XRN1: variants seen among roughly 807,000 people sequenced by gnomAD.
The protein encoded by XRN1 is strand-exchange protein 1 homolog.
XRN1 carries 67 observed loss-of-function variants against 222.3 expected under a neutral mutation model. The ratio of observed to expected loss-of-function variants is 0.30; its 90% CI spans 0.25 to 0.37. XRN1 has a LOEUF of 0.37. XRN1 is among the 10% of genes least tolerant of loss of function. XRN1 has a pLI of 1.00. For synonymous variants in XRN1, 643 were observed against 652.4 expected (o/e 0.99, Z 0.22); for missense variants, 1,707 against 2,000.2 (o/e 0.85, Z 2.80).
chr3:142,391,027 G>A (rs904743018), intron 20 of XRN1, among the ~76,000 whole-genome samples: 5 of 152,106 alleles, frequency 3.3e-5, no homozygotes, highest in African/African-American at 1.2e-4. Context: ...GGTTGATGGT[G>A]ACCAAAAACA....
At chr3:142,315,060 G>T (rs1032162417) in intron 39 of XRN1, among the ~76,000 whole-genome samples, 1 of 144,276 alleles carries the variant, frequency 6.9e-6, no homozygotes, top group Non-Finnish European at 1.5e-5. Context: ...TCAACCTCCT[G>T]AATAGCTGGA....
At chr3:142,391,131 C>G (rs2067695985) in intron 20 of XRN1, among the ~76,000 whole-genome samples, 1 of 151,814 alleles carries the variant, frequency 6.6e-6, no homozygotes, top group Admixed American at 6.6e-5. Context: ...TGAGAATTAC[C>G]AAAATGTGAC....
chr3:142,391,188 T>C (rs992618886), intron 20 of XRN1, among the ~76,000 whole-genome samples: 5 of 152,192 alleles, frequency 3.3e-5, no homozygotes, highest in African/African-American at 7.2e-5. Context: ...ATGGCACTGA[T>C]AGAGTTGCAA....
chr3:142,418,683 A>C (rs1672522568), intron 11 of XRN1, 74 bp from the exon 12 acceptor site: 2 of 1,435,262 alleles, frequency 1.4e-6, no homozygotes, highest in Non-Finnish European at 1.9e-6. Context: ...GATTTGATAA[A>C]TGCATATCCA....
At position 142,373,814 on chromosome 3, in the gene XRN1, A is replaced by C. The variant is rs1390717169; in HGVS notation, c.2978+1984T>G. On this transcript the variant is annotated intron_variant, in intron 25 of 40. Transcript: ENST00000392981. ...ACCAACGTGGTGAAACCCCATCTCTACTAAAAAAAATACAAAATTTAGCCG... is the reference window on the plus strand; with the variant it reads ...ACCAACGTGGTGAAACCCCATCTCTCCTAAAAAAAATACAAAATTTAGCCG... 3.9e-5 allele frequency among the ~76,000 whole-genome samples: 6 copies of C among 152,112 alleles called. No homozygotes were observed. The South Asian group carries it at 1.2e-3, about 32-fold the overall frequency.
chr3:142,418,975 T>C (rs749080292), intron 10 of XRN1, 94 bp from the exon 11 acceptor site: 39 of 1,154,940 alleles, frequency 3.4e-5, no homozygotes, highest in Non-Finnish European at 4.6e-5. Flanking sequence ...TTTTCTATAG[T>C]TCTTCCATGT....
rs1470532297 is a variant in XRN1, at chr3:142,310,647, A to G, written c.*864T>C. 6.6e-6 allele frequency: 1 copy of G among 152,638 alleles called. No individual in the cohort carries two copies. Among genetic ancestry groups the G allele is most frequent in the African/African-American group, 2.4e-5 (1 of 41,460 alleles). 9.5% of individuals were successfully genotyped at this position (152,638 alleles called of 1,614,324 possible). ...ATGAAGCTCTCATAAAATGTCAGGTAAGCAAATAAAAAGCTATACAAAATA... is the reference window on the plus strand; with the variant it reads ...ATGAAGCTCTCATAAAATGTCAGGTGAGCAAATAAAAAGCTATACAAAATA... On this transcript the variant is annotated 3_prime_UTR_variant, in exon 41 of 41. Transcript: ENST00000392981.
rs1376018671 is a variant in XRN1 at position 142,370,633 on chromosome 3, C to T, written c.3069-13G>A. On this transcript the variant is annotated splice_polypyrimidine_tract_variant and intron_variant, in intron 26 of 40. Coordinates refer to ENST00000392981, the MANE Select transcript of XRN1 (RefSeq NM_001282857.2). ...AACTTTTTCAGCACTAAAGCAAAAA[C>T]AATAATTTTTAAAATTTGATTAAAA... is the stretch of plus-strand genomic sequence containing the variant. 6.5e-7 allele frequency: 1 copy of T among 1,549,868 alleles called. No homozygotes were observed. The highest frequency in any genetic ancestry group is 2.4e-5 in the East Asian group (1 of 42,458).
At chr3:142,412,684 A>G (rs2068630795) in intron 14 of XRN1, 21 bp from the exon 15 acceptor site, 2 of 1,477,624 alleles carry the variant, frequency 1.4e-6, no homozygotes, top group Non-Finnish European at 1.8e-6. Flanking sequence ...ATGAAATAGT[A>G]TAATAGAAAT....
rs1279624280 is a variant in XRN1, at chr3:142,365,802, T to TATATAA, written c.3205-442_3205-437dup. On this transcript the variant is annotated intron_variant, in intron 27 of 40. Transcript: ENST00000392981. ...GATTACATTTGTCTGTTTTGGCCTT[T>TATATAA]ATATAAATGCTATCCTATTCAAATG... is the stretch of plus-strand genomic sequence containing the variant. 4.3e-4 allele frequency among the ~76,000 whole-genome samples: 66 copies of TATATAA among 152,196 alleles called. 1 individual carries two copies. The highest frequency in any genetic ancestry group is 5.9e-5 in the Non-Finnish European group (4 of 68,008).
intron 34 of XRN1, among the ~76,000 whole-genome samples, chr3:142,333,993 T>C (rs994421748): frequency 2.6e-5 from 4 of 152,224 alleles, no homozygotes; most frequent in Non-Finnish European, 5.9e-5. Context: ...ACCTAGTCTA[T>C]GGTATTGTTA....
Position 142,311,405 on chromosome 3 carries a change from CAT to C in XRN1, c.*104_*105del, listed in dbSNP as rs2065071841. The C allele has an allele frequency of 9.2e-7, 1 of 1,087,864 alleles. No homozygotes were observed. 67.4% of individuals were successfully genotyped at this position (1,087,864 alleles called of 1,614,324 possible). A position where few individuals can be genotyped will look rare whatever the true frequency, so the allele number is the denominator to read the frequency against. ...AAAATGAAAAAAATTTCAATTTACA[CAT>C]ATTATTTTAAAATAGTACATTCTAA... On this transcript the variant is annotated 3_prime_UTR_variant, in exon 41 of 41. Coordinates refer to ENST00000392981, the MANE Select transcript of XRN1 (RefSeq NM_001282857.2).
At chr3:142,366,993 A>G (rs2066834023) in intron 27 of XRN1, among the ~76,000 whole-genome samples, 2 of 152,208 alleles carry the variant, frequency 1.3e-5, no homozygotes, top group Non-Finnish European at 1.5e-5. Context: ...GCTTATTAGA[A>G]ATGCAGAATT....
intron 29 of XRN1, among the ~76,000 whole-genome samples, chr3:142,362,345 C>G (rs2066665948): frequency 1.3e-5 from 2 of 152,060 alleles, no homozygotes; most frequent in African/African-American, 4.8e-5. Context: ...ACCATATTGG[C>G]CAGGCTAATC....
At chr3:142,335,607 T>C (rs2065831468) in intron 33 of XRN1, 98 bp from the exon 34 acceptor site, 9 of 1,082,622 alleles carry the variant, frequency 8.3e-6, no homozygotes, top group Non-Finnish European at 1.2e-5. Context: ...TGTTAAAAAT[T>C]CAGAGAATTT....
intron 29 of XRN1, among the ~76,000 whole-genome samples, chr3:142,362,032 G>A (rs1307393695): frequency 7.7e-6 from 1 of 129,696 alleles, no homozygotes; most frequent in East Asian, 2.4e-4. Context: ...GCAGTGGTGT[G>A]ATCTCAGCTC....
chr3:142,441,909 A>G (rs1338306031), intron 1 of XRN1, among the ~76,000 whole-genome samples: 1 of 152,252 alleles, frequency 6.6e-6, no homozygotes, highest in Non-Finnish European at 1.5e-5. Context: ...TTCGCATACA[A>G]TTCGTATACA....
intron 2 of XRN1, among the ~76,000 whole-genome samples, chr3:142,428,474 T>C (rs2069364707): frequency 6.6e-6 from 1 of 152,156 alleles, no homozygotes; most frequent in Non-Finnish European, 1.5e-5. Flanking sequence ...AGCCATAATG[T>C]TTAATCTGGA....
chr3:142,364,084 G>A (rs2066739696), intron 29 of XRN1, among the ~76,000 whole-genome samples: 1 of 152,202 alleles, frequency 6.6e-6, no homozygotes, highest in African/African-American at 2.4e-5. Flanking sequence ...TGTAAACACA[G>A]GAAGATTACT....
Sources: allele counts gnomAD v4.1 joint callset (sites outside exome capture counted in the v4.1 genomes callset), GRCh38; gene constraint gnomAD v4.1.1; transcripts MANE v1.5; gene names NCBI Gene and HGNC (gene_info 2026-07-23, HGNC 2026-07-21).